Variants in ZNF141 observed in about 807,000 individuals in gnomAD.
ZNF141 encodes the protein zinc finger protein 141 (clone pHZ-44).
In ZNF141, 7 loss-of-function variants were observed where a neutral mutation model predicts 11.3. The observed-to-expected ratio is 0.62, with a 90% CI of 0.35 to 1.16. The LOEUF (loss-of-function observed/expected upper bound fraction) is 1.16. Among genes scored for constraint, ZNF141 ranks in the 50% most tolerant of loss-of-function variants. The probability of loss-of-function intolerance (pLI) is 0.02; values close to 1 mark genes in which losing one functional copy is unlikely to be tolerated. For missense variants in ZNF141, 535 were observed against 554.0 expected (o/e 0.97, Z 0.34); for synonymous variants, 183 against 190.7 (o/e 0.96, Z 0.33).
intron 1 of ZNF141, 46 bp downstream of exon 1, chr4:338,032 G>A (rs781928803): frequency 1.9e-6 from 3 of 1,611,204 alleles, no homozygotes; most frequent in Non-Finnish European, 2.5e-6. Context: ...AGGTCTCATC[G>A]GAGCTGGCGG....
intron 1 of ZNF141, 54 bp from the exon 2 acceptor site, chr4:343,724 CAAAA>C (rs35268031): frequency 4.8e-3 from 4,160 of 868,326 alleles, no homozygotes; most frequent in East Asian, 7.6e-3. Context: ...GACTCCGTCT[CAAAA>C]AAAAAAAAAA....
At chr4:368,816 A>T (rs1250752539) in intron 3 of ZNF141, among the ~76,000 whole-genome samples, 2 of 152,140 alleles carry the variant, frequency 1.3e-5, no homozygotes, top group Admixed American at 6.6e-5. Context: ...TGTTTCTGAC[A>T]TTGTTACTCT....
chr4:374,002 T>C lies in ZNF141; in HGVS notation c.*140T>C. On this transcript the variant is annotated 3_prime_UTR_variant, in exon 4 of 4. Coordinates refer to ENST00000240499, the MANE Select transcript of ZNF141 (RefSeq NM_003441.4). ...AAGTTCTTTACCTCATTCTCAAACC[T>C]TGATAAACATAAGAGAATTCATACC... is the stretch of plus-strand genomic sequence containing the variant. The C allele has an allele frequency of 1.3e-6, 1 of 760,170 alleles. No individual in the cohort carries two copies. Among genetic ancestry groups the C allele is most frequent in the South Asian group, 1.8e-5 (1 of 55,812 alleles). The allele number at this position is 760,170 out of a possible 1,614,324, so 47.1% of individuals were successfully genotyped here.
chr4:381,862 G>A lies in ZNF141; in HGVS notation c.*8000G>A, dbSNP rs1712634184. Among the ~76,000 whole-genome samples the A allele has an allele frequency of 6.6e-6, 1 of 151,708 alleles. No individual in the cohort carries two copies. The highest frequency in any genetic ancestry group is 1.5e-5 in the Non-Finnish European group (1 of 67,980). ...AGAAAGTAGCTGTAGTTCATTGCTG[G>A]GGCCACCAGAAGGGTCAAGATGAAA... On this transcript the variant is annotated 3_prime_UTR_variant, in exon 4 of 4. Coordinates refer to ENST00000240499, the MANE Select transcript of ZNF141 (RefSeq NM_003441.4).
At chr4:357,928 C>G (rs1721922358) in intron 3 of ZNF141, among the ~76,000 whole-genome samples, 1 of 151,766 alleles carries the variant, frequency 6.6e-6, no homozygotes, top group African/African-American at 2.4e-5. Context: ...GCCATGTTGG[C>G]CAGGATGGTC....
intron 2 of ZNF141, 26 bp downstream of exon 2, chr4:343,934 C>A: frequency 6.3e-7 from 1 of 1,576,046 alleles, no homozygotes; most frequent in Non-Finnish European, 8.5e-7. Context: ...ATACATAATT[C>A]CTAATTTTTC....
At chr4:351,294 C>T (rs1005010446) in intron 3 of ZNF141, among the ~76,000 whole-genome samples, 4 of 150,206 alleles carry the variant, frequency 2.7e-5, no homozygotes, top group Non-Finnish European at 4.4e-5. Flanking sequence ...AGTACAGTGG[C>T]GCGATCTCGG....
chr4:358,591 T>C (rs1721961404), intron 3 of ZNF141: 2 of 160,408 alleles, frequency 1.2e-5, no homozygotes, highest in South Asian at 3.2e-4. Context: ...TTTTGTTTGA[T>C]TGTTTGAGAT....
chr4:356,487 G>A (rs781928438), intron 3 of ZNF141, among the ~76,000 whole-genome samples: 7 of 151,792 alleles, frequency 4.6e-5, no homozygotes, highest in Middle Eastern at 3.4e-3. Context: ...CACCACACCC[G>A]GTTAATTGTC....
intron 3 of ZNF141, among the ~76,000 whole-genome samples, chr4:369,764 A>ATATATATATATAT: frequency 8.2e-5 from 4 of 48,744 alleles, no homozygotes; most frequent in South Asian, 8.3e-4. Context: ...ATATATATAT[A>ATATATATATATAT]TTTTTTTTTT....
chr4:365,405 C>T (rs1231026835), intron 3 of ZNF141, among the ~76,000 whole-genome samples: 1 of 152,182 alleles, frequency 6.6e-6, no homozygotes, highest in Non-Finnish European at 1.5e-5. Context: ...CAGAAATCAC[C>T]CGTCTTTTAC....
Position 337,995 on chromosome 4 carries a change from G to A in ZNF141, c.3+9G>A. On this transcript the variant is annotated intron_variant, in intron 1 of 3. Coordinates refer to ENST00000240499, the MANE Select transcript of ZNF141 (RefSeq NM_003441.4). ...TCAGAAGTGGGGAAATGGTGAGTGTGCGGGGCAGGGCGTCCCAAGGCTGAG... is the reference window on the plus strand; with the variant it reads ...TCAGAAGTGGGGAAATGGTGAGTGTACGGGGCAGGGCGTCCCAAGGCTGAG... 1 of 1,613,322 alleles carries A rather than the reference G, an allele frequency of 6.2e-7. No homozygotes were observed. The highest frequency in any genetic ancestry group is 8.5e-7 in the Non-Finnish European group (1 of 1,179,492).
At chr4:366,559 A>G (rs1581617715) in intron 3 of ZNF141, among the ~76,000 whole-genome samples, 1 of 152,170 alleles carries the variant, frequency 6.6e-6, no homozygotes, top group Admixed American at 6.5e-5. Context: ...ACCTTGGCCT[A>G]CCAAAGTGCT....
chr4:344,528 G>C lies in ZNF141; in HGVS notation c.226+98G>C, dbSNP rs571294865. On this transcript the variant is annotated intron_variant, in intron 3 of 3. Transcript: ENST00000240499. ...ATGTGGTTTGGGGCCGGGTGCAGTGGCTCATGCCTGTAATCCAAGGACTTT... is the reference window on the plus strand; with the variant it reads ...ATGTGGTTTGGGGCCGGGTGCAGTGCCTCATGCCTGTAATCCAAGGACTTT... 26 of 968,010 alleles carry C rather than the reference G, an allele frequency of 2.7e-5. No individual in the cohort carries two copies. The East Asian group carries it at 6.4e-4, about 24-fold the overall frequency. 60.0% of individuals were successfully genotyped at this position (968,010 alleles called of 1,614,324 possible).
At chr4:361,540 A>G (rs1553852191) in intron 3 of ZNF141, among the ~76,000 whole-genome samples, 1 of 151,518 alleles carries the variant, frequency 6.6e-6, no homozygotes, top group African/African-American at 2.4e-5. Flanking sequence ...GCCCAACCCC[A>G]CGACAGGCCC....
At chr4:342,209 C>G (rs190723302) in intron 1 of ZNF141, among the ~76,000 whole-genome samples, 55 of 152,312 alleles carry the variant, frequency 3.6e-4, no homozygotes, top group Non-Finnish European at 5.9e-4. Context: ...CTTCCCATCA[C>G]AGTGCTCTGT....
At chr4:339,864 G>A (rs1274704895) in intron 1 of ZNF141, among the ~76,000 whole-genome samples, 1 of 150,938 alleles carries the variant, frequency 6.6e-6, no homozygotes, top group African/African-American at 2.5e-5. Flanking sequence ...TCTACCTCCT[G>A]TCCTGAAGCT....
At position 381,833 on chromosome 4, in the gene ZNF141, C is replaced by T. The variant is rs1486296044; in HGVS notation, c.*7971C>T. Reference sequence around the variant, plus strand: ...TACCCTAGTCCAGCCTATCCACCTACCACAGAAAGTAGCTGTAGTTCATTG... The same window carrying T: ...TACCCTAGTCCAGCCTATCCACCTATCACAGAAAGTAGCTGTAGTTCATTG... On this transcript the variant is annotated 3_prime_UTR_variant, in exon 4 of 4. Transcript: ENST00000240499. Among the ~76,000 whole-genome samples the T allele has an allele frequency of 2.0e-5, 3 of 152,000 alleles. No individual in the cohort carries two copies. The highest frequency in any genetic ancestry group is 2.0e-4 in the Admixed American group (3 of 15,266).
At position 346,897 on chromosome 4, in the gene ZNF141, C is replaced by CACA. The variant is rs782353022; in HGVS notation, c.226+2467_226+2468insACA. 8.4e-4 allele frequency among the ~76,000 whole-genome samples: 99 copies of CACA among 117,710 alleles called. 7 individuals are homozygous for CACA. The highest frequency in any genetic ancestry group is 1.7e-3 in the Admixed American group (22 of 12,910). 77.2% of individuals were successfully genotyped at this position (117,710 alleles called of 152,430 possible). On this transcript the variant is annotated intron_variant, in intron 3 of 3. Coordinates refer to ENST00000240499, the MANE Select transcript of ZNF141 (RefSeq NM_003441.4). ...TATGTATACACACACACACACACCGCCCCCCCCATATATTGGCTACTGTAA... is the reference window on the plus strand; with the variant it reads ...TATGTATACACACACACACACACCGCACACCCCCCCATATATTGGCTACTGTAA...
Sources: gnomAD v4.1 joint callset for allele counts (sites outside exome capture counted in the v4.1 genomes callset) on GRCh38, gnomAD v4.1.1 for gene constraint, MANE v1.5 for transcripts, NCBI Gene and HGNC (gene_info 2026-07-23, HGNC 2026-07-21) for gene names.